Variants in IQCF1 observed in about 807,000 individuals in gnomAD.
IQCF1 encodes the protein IQ motif containing F1.
In IQCF1, 9 loss-of-function variants were observed where a neutral mutation model predicts 12.5. That is an observed-to-expected ratio of 0.72 (90% CI 0.43 to 1.26). IQCF1 has a LOEUF of 1.26. IQCF1 is among the 50% of genes most tolerant of loss of function. IQCF1 has a pLI of 0.00. For synonymous variants in IQCF1, 67 were observed against 96.2 expected, an observed-to-expected ratio of 0.70 and a Z score of 1.78; for missense variants, 252 against 257.4, an observed-to-expected ratio of 0.98 and a Z score of 0.14.
At chr3:51,896,979 A>C (rs1204630964) in intron 2 of IQCF1, 85 bp from the exon 3 acceptor site, 2 of 1,049,900 alleles carry the variant, frequency 1.9e-6, no homozygotes, top group East Asian at 4.7e-5. Context: ...TATGAGTTCT[A>C]AATTTCTCTT....
At position 51,900,260 on chromosome 3, in the gene IQCF1, C is replaced by T. The variant is rs1350478931; in HGVS notation, c.108+2725G>A. On this transcript the variant is annotated intron_variant, in intron 2 of 3. Coordinates refer to ENST00000310914, the MANE Select transcript of IQCF1 (RefSeq NM_152397.3). This position sits in a 1 kb window ranked among gnomAD's most constrained non-coding sequence, Gnocchi z 4.2. ...CAGCGGAAAGGGGATGGACTCACCA[C>T]ACCTGAGTCAAGAAAGCGCCACCCC... Among the ~76,000 whole-genome samples, 2 of 152,188 alleles carry T rather than the reference C, an allele frequency of 1.3e-5. No individual in the cohort carries two copies. Among genetic ancestry groups the T allele is most frequent in the Non-Finnish European group, 2.9e-5 (2 of 68,038 alleles).
intron 3 of IQCF1, 141 bp downstream of exon 3, chr3:51,896,691 G>A (rs753497577): frequency 2.4e-5 from 15 of 630,612 alleles, no homozygotes; most frequent in Admixed American, 4.8e-5. Context: ...GCTCAAACAC[G>A]CGCGCACACA....
Position 51,896,840 on chromosome 3 carries a change from AT to A in IQCF1, c.162del (p.Lys54AsnfsTer18). On this transcript the variant is annotated frameshift_variant, in exon 3 of 4. Coordinates refer to ENST00000310914, the MANE Select transcript of IQCF1 (RefSeq NM_152397.3). LOFTEE classifies it low-confidence loss of function (END_TRUNC). ...ETQTVDNANE[K>X]SEKPPENQKK... Reference sequence around the variant, plus strand: ...GGTTTGGGAGGTCATACTTTTTCTGATTTCTCATTGGCATTGTCCACTGTCT... The same window carrying A: ...GGTTTGGGAGGTCATACTTTTTCTGATTCTCATTGGCATTGTCCACTGTCT... 6.2e-7 allele frequency: 1 copy of A among 1,612,526 alleles called. No individual in the cohort carries two copies. The highest frequency in any genetic ancestry group is 8.5e-7 in the Non-Finnish European group (1 of 1,178,884).
At chr3:51,902,647 A>C (rs1187226554) in intron 2 of IQCF1, 1 of 290,404 alleles carries the variant, frequency 3.4e-6, no homozygotes, top group Non-Finnish European at 6.7e-6. Flanking sequence ...CACTCACCCC[A>C]TCACTCTCTT....
At position 51,895,011 on chromosome 3, in the gene IQCF1, C is replaced by T. The variant is rs753054036; in HGVS notation, c.497G>A (p.Arg166Gln). ...AYWRCRSCAS[R>Q]GFIKGQYRVT... is the part of the protein sequence containing the mutation. ...TCTGTACTGGCCCTTGATGAACCCC[C>T]GGGAAGCACAGGAGCGGCACCTCCA... is the stretch of plus-strand genomic sequence containing the variant. The change falls in exon 4 of 4, where the codon CGG (arginine) becomes CAG (glutamine). Residue 166 changes from arginine to glutamine, a missense_variant. Arg to Gln is a conservative substitution (Grantham distance 43). Coordinates refer to ENST00000310914, the MANE Select transcript of IQCF1 (RefSeq NM_152397.3). The surrounding 1 kb of genome is among the most constrained non-coding windows in gnomAD (Gnocchi z 4.8). The T allele has an allele frequency of 1.2e-6, 2 of 1,614,230 alleles. No individual in the cohort carries two copies. The highest frequency in any genetic ancestry group is 1.3e-5 in the African/African-American group (1 of 75,058).
intron 2 of IQCF1, 28 bp downstream of exon 2, chr3:51,902,957 A>G (rs1699097065): frequency 6.5e-7 from 1 of 1,532,762 alleles, no homozygotes; most frequent in Non-Finnish European, 9.0e-7. Context: ...CATGGGATCA[A>G]TGACATCCAA....
Position 51,900,191 on chromosome 3 carries a change from A to G in IQCF1, c.108+2794T>C, listed in dbSNP as rs1699058609. 6.6e-6 allele frequency among the ~76,000 whole-genome samples: 1 copy of G among 152,110 alleles called. No individual in the cohort carries two copies. On this transcript the variant is annotated intron_variant, in intron 2 of 3. Transcript: ENST00000310914. This position sits in a 1 kb window ranked among gnomAD's most constrained non-coding sequence, Gnocchi z 4.2. Reference sequence around the variant, plus strand: ...GAAGGAAAACTGCAGCCAGCCTGGCAAGGACTCTACCCTGTGCTGCTAACC... The same window carrying G: ...GAAGGAAAACTGCAGCCAGCCTGGCGAGGACTCTACCCTGTGCTGCTAACC...
intron 2 of IQCF1, among the ~76,000 whole-genome samples, chr3:51,898,256 CAGAGAGAG>C (rs34717502): frequency 1.3e-5 from 2 of 149,648 alleles, no homozygotes; most frequent in African/African-American, 2.5e-5. Flanking sequence ...AAGAGGGAGT[CAGAGAGAG>C]AGAGAGAGAG....
intron 2 of IQCF1, among the ~76,000 whole-genome samples, chr3:51,897,908 C>T (rs1349620114): frequency 6.6e-6 from 1 of 152,184 alleles, no homozygotes; most frequent in Non-Finnish European, 1.5e-5. Context: ...AGGCAAGACA[C>T]CCCCTGGTTT....
intron 2 of IQCF1, 74 bp downstream of exon 2, chr3:51,902,911 G>T: frequency 9.0e-7 from 1 of 1,108,754 alleles, no homozygotes; most frequent in Non-Finnish European, 1.4e-6. Context: ...ACTTATAACA[G>T]CACCATGCAA....
In IQCF1 at chr3:51,903,016, TG is replaced by T. The variant is rs766637299; in HGVS notation, c.76del (p.His26IlefsTer4). 2.3e-5 allele frequency: 37 copies of T among 1,614,062 alleles called. 1 individual carries two copies. In the East Asian group the frequency reaches 6.2e-4, roughly 27 times the overall value. On this transcript the variant is annotated frameshift_variant, in exon 2 of 4. Transcript: ENST00000310914. LOFTEE classifies it high-confidence loss of function. ...DEPQQKEMPTHLSLGAESKAE... is the reference protein window; with the variant it reads ...DEPQQKEMPTXLSLGAESKAE... ...CTTTGACTCTGCTCCTAAGGACAAA[TG>T]GGTTGGCATCTCCTTCTGCTGAGGC...
intron 2 of IQCF1, among the ~76,000 whole-genome samples, chr3:51,897,596 A>C (rs1699024841): frequency 6.6e-6 from 1 of 152,216 alleles, no homozygotes; most frequent in Non-Finnish European, 1.5e-5. Context: ...GCAACGCGGA[A>C]AGAAACTGGC....
At chr3:51,902,952 G>A in intron 2 of IQCF1, 33 bp downstream of exon 2, 2 of 1,489,596 alleles carry the variant, frequency 1.3e-6, no homozygotes, top group Non-Finnish European at 1.9e-6. Context: ...TAGGACATGG[G>A]ATCAATGACA....
chr3:51,896,334 G>A (rs961196717), intron 3 of IQCF1, among the ~76,000 whole-genome samples: 2 of 152,096 alleles, frequency 1.3e-5, no homozygotes, highest in African/African-American at 2.4e-5. Flanking sequence ...CCACCACTAC[G>A]AGTTTTCCCA....
intron 2 of IQCF1, among the ~76,000 whole-genome samples, chr3:51,898,204 G>A (rs1389825587): frequency 1.3e-5 from 2 of 152,108 alleles, no homozygotes; most frequent in African/African-American, 4.8e-5. Context: ...GGAAGTCAGA[G>A]AGAAACACAG....
chr3:51,897,354 T>C (rs141388685), intron 2 of IQCF1, among the ~76,000 whole-genome samples: 282 of 152,354 alleles, frequency 1.9e-3, no homozygotes, highest in African/African-American at 5.9e-3. Context: ...CACCCTTCTA[T>C]AGAAGTGCAT....
At chr3:51,903,132 C>A in intron 1 of IQCF1, 43 bp from the exon 2 acceptor site, 1 of 1,587,604 alleles carries the variant, frequency 6.3e-7, no homozygotes, top group South Asian at 1.1e-5. Flanking sequence ...AGGCTGCGGT[C>A]CCTCCCTCTC....
intron 2 of IQCF1, among the ~76,000 whole-genome samples, chr3:51,897,493 C>T (rs950228850): frequency 3.3e-5 from 5 of 152,230 alleles, no homozygotes; most frequent in African/African-American, 1.2e-4. Flanking sequence ...GGTTCTCCAA[C>T]GTGAGGAGGC....
rs534432003 is a variant in IQCF1, at chr3:51,898,081, C to T, written c.109-1187G>A. ...CTTCTTGAGGGAAGAAAGAGTAGCT[C>T]CACTCCCAACGGTACCTCCCCTAGG... On this transcript the variant is annotated intron_variant, in intron 2 of 3. Transcript: ENST00000310914. 4.6e-5 allele frequency among the ~76,000 whole-genome samples: 7 copies of T among 152,234 alleles called. No individual in the cohort carries two copies. The South Asian group carries it at 1.5e-3, about 32-fold the overall frequency.
Sources: allele counts gnomAD v4.1 joint callset (sites outside exome capture counted in the v4.1 genomes callset), GRCh38; gene constraint gnomAD v4.1.1; non-coding constraint Gnocchi (gnomAD v3.1); transcripts MANE v1.5; gene names NCBI Gene and HGNC (gene_info 2026-07-23, HGNC 2026-07-21).